NAA11: variants seen among roughly 807,000 people sequenced by gnomAD.
NAA11 encodes N-alpha-acetyltransferase 11, NatA catalytic subunit, also known as N-alpha-acetyltransferase 11.
In NAA11, 15 loss-of-function variants were observed where a neutral mutation model predicts 16.1. That is an observed-to-expected ratio of 0.93 (90% CI 0.62 to 1.44). The LOEUF (loss-of-function observed/expected upper bound fraction) is 1.44, where lower values mean the gene tolerates loss of function less well. NAA11 is among the 40% of genes most tolerant of loss of function. The pLI, the probability that NAA11 is intolerant of heterozygous loss-of-function variation, is 0.00. For missense variants in NAA11, 298 were observed against 291.3 expected (o/e 1.02, Z -0.17); for synonymous variants, 122 against 112.4 (o/e 1.09, Z -0.54).
the NAA11 span, among the ~76,000 whole-genome samples, chr4:79,184,163 GAAATA>G: frequency 6.6e-6 from 1 of 152,074 alleles, no homozygotes; most frequent in Non-Finnish European, 1.5e-5. Context: ...TTTCAAATAA[GAAATA>G]AAATATTGCA....
chr4:79,175,533 T>C, the NAA11 span, among the ~76,000 whole-genome samples: 1 of 152,046 alleles, frequency 6.6e-6, no homozygotes, highest in South Asian at 2.1e-4. Context: ...TAATTTGCGC[T>C]GTATAACAAT....
At chr4:79,229,428 G>T (rs1721406736) in intron 2 of NAA11, among the ~76,000 whole-genome samples, 1 of 151,852 alleles carries the variant, frequency 6.6e-6, no homozygotes, top group Non-Finnish European at 1.5e-5. Context: ...TTGTAAAGTA[G>T]ATTTTAATGT....
chr4:79,303,112 A>ATATATATATATATATATATT (rs1723458161), intron 1 of NAA11, among the ~76,000 whole-genome samples: 2 of 97,126 alleles, frequency 2.1e-5, no homozygotes, highest in Non-Finnish European at 4.5e-5. Flanking sequence ...ATATATATAT[A>ATATATATATATATATATATT]TATATATATA....
chr4:79,207,155 G>C, the NAA11 span, among the ~76,000 whole-genome samples: 7 of 151,854 alleles, frequency 4.6e-5, no homozygotes, highest in Non-Finnish European at 8.8e-5. Flanking sequence ...AATAGACATA[G>C]TTTGACTCTC....
At chr4:79,242,250 G>A (rs546127478) in intron 2 of NAA11, among the ~76,000 whole-genome samples, 1 of 129,414 alleles carries the variant, frequency 7.7e-6, no homozygotes, top group African/African-American at 2.7e-5. Flanking sequence ...CCTTGGAGGG[G>A]GATATCCTTC....
At chr4:79,254,656 T>G (rs1162652057) in intron 2 of NAA11, among the ~76,000 whole-genome samples, 3 of 150,878 alleles carry the variant, frequency 2.0e-5, no homozygotes, top group African/African-American at 7.3e-5. Context: ...TTTTTTTTTT[T>G]TTTACTTTTT....
chr4:79,236,788 C>G (rs1578155250), intron 2 of NAA11, among the ~76,000 whole-genome samples: 1 of 152,168 alleles, frequency 6.6e-6, no homozygotes, highest in East Asian at 1.9e-4. Flanking sequence ...ACAGAGCCAT[C>G]TCTGAGGTGG....
At chr4:79,170,989 T>C in the NAA11 span, among the ~76,000 whole-genome samples, 2 of 152,200 alleles carry the variant, frequency 1.3e-5, no homozygotes, top group African/African-American at 4.8e-5. Context: ...CTTTTAGAGT[T>C]TGTTTATACA....
At chr4:79,274,518 C>T (rs903597460) in intron 2 of NAA11, among the ~76,000 whole-genome samples, 10 of 152,042 alleles carry the variant, frequency 6.6e-5, no homozygotes, top group Non-Finnish European at 1.5e-4. Context: ...TTCAACAAGC[C>T]TAATACAGGG....
chr4:79,280,622 G>A (rs1477940301), intron 2 of NAA11, among the ~76,000 whole-genome samples: 4 of 151,686 alleles, frequency 2.6e-5, no homozygotes, highest in African/African-American at 4.8e-5. Flanking sequence ...GTTTTTGAGA[G>A]TCAGTTTCTG....
the NAA11 span, among the ~76,000 whole-genome samples, chr4:79,216,676 A>G: frequency 6.6e-6 from 1 of 152,160 alleles, no homozygotes; most frequent in Admixed American, 6.5e-5. Flanking sequence ...AGAATAGTCT[A>G]TTATATTGAC....
At chr4:79,318,203 A>G in intron 1 of NAA11, among the ~76,000 whole-genome samples, 1 of 152,224 alleles carries the variant, frequency 6.6e-6, no homozygotes. Flanking sequence ...CCAATTCTAA[A>G]GAAATGAAAG....
chr4:79,159,082 T>C, the NAA11 span, among the ~76,000 whole-genome samples: 1 of 152,016 alleles, frequency 6.6e-6, no homozygotes, highest in Non-Finnish European at 1.5e-5. Context: ...CAAAGATAAA[T>C]AGGCTACACT....
At chr4:79,243,458 C>T (rs1212816367) in intron 2 of NAA11, among the ~76,000 whole-genome samples, 1 of 152,198 alleles carries the variant, frequency 6.6e-6, no homozygotes, top group East Asian at 1.9e-4. Flanking sequence ...CAAATTATCT[C>T]GTTCATTTTT....
At chr4:79,253,914 C>T (rs1479908201) in intron 2 of NAA11, among the ~76,000 whole-genome samples, 7 of 152,296 alleles carry the variant, frequency 4.6e-5, no homozygotes, top group South Asian at 2.1e-4. Context: ...GGTAGTTTTT[C>T]GTTGACATCT....
At chr4:79,198,588 A>T in the NAA11 span, among the ~76,000 whole-genome samples, 1 of 151,900 alleles carries the variant, frequency 6.6e-6, no homozygotes, top group African/African-American at 2.4e-5. Context: ...CATTTTCCAC[A>T]TGCACACTTT....
At chr4:79,185,355 T>C in the NAA11 span, among the ~76,000 whole-genome samples, 12 of 152,312 alleles carry the variant, frequency 7.9e-5, no homozygotes, top group African/African-American at 2.9e-4. Context: ...TCCCCCATAA[T>C]TCTCATGCAG....
In NAA11 at chr4:79,249,722, GCTAGAAAGACCAACATTC is replaced by G. The variant is rs1331184596; in HGVS notation, c.*123-23470_*123-23453del. ...TCGCCATGAAAATTCCCCAAACCTT[GCTAGAAAGACCAACATTC>G]AAATTCAGAAAACACAGAGAACCCT... is the stretch of plus-strand genomic sequence containing the variant. On this transcript the variant is annotated intron_variant and NMD_transcript_variant, in intron 2 of 2. Coordinates refer to the NAA11 transcript ENST00000511542. Among the ~76,000 whole-genome samples, 80 of 152,266 alleles carry G rather than the reference GCTAGAAAGACCAACATTC, an allele frequency of 5.3e-4. 1 individual carries two copies. The highest frequency in any genetic ancestry group is 3.4e-3 in the Middle Eastern group (1 of 294).
chr4:79,244,002 A>C (rs115088228), intron 2 of NAA11, among the ~76,000 whole-genome samples: 1 of 152,212 alleles, frequency 6.6e-6, no homozygotes, highest in Non-Finnish European at 1.5e-5. Context: ...GGCATGCCCA[A>C]CTGAGGCTTT....
Sources: gnomAD v4.1 joint callset for allele counts (sites outside exome capture counted in the v4.1 genomes callset) on GRCh38, gnomAD v4.1.1 for gene constraint, MANE v1.5 for transcripts, NCBI Gene and HGNC (gene_info 2026-07-23, HGNC 2026-07-21) for gene names.